PTPN3: variants seen among roughly 807,000 people sequenced by gnomAD.
The protein encoded by PTPN3 is tyrosine-protein phosphatase non-receptor type 3.
A neutral mutation model predicts 132.7 loss-of-function variants in PTPN3; 96 were observed. That is an observed-to-expected ratio of 0.72 (90% CI 0.61 to 0.86). The LOEUF is 0.86. Among genes scored for constraint, PTPN3 ranks in the 40% least tolerant of loss-of-function variants. The probability of loss-of-function intolerance (pLI) is 0.00; values close to 1 mark genes in which losing one functional copy is unlikely to be tolerated. For synonymous variants in PTPN3, 398 were observed against 429.0 expected, an observed-to-expected ratio of 0.93 and a Z score of 0.89; for missense variants, 1,125 against 1,159.6, an observed-to-expected ratio of 0.97 and a Z score of 0.43.
In PTPN3 at chr9:109,476,927, C is replaced by T. The variant is rs570074890; in HGVS notation, c.-17-13476G>A. ...GGCTTCCTGTGCTACAGGGCTTCAG[C>T]GATTTCCAAGTATTTTTACACCCCT... is the stretch of plus-strand genomic sequence containing the variant. On this transcript the variant is annotated intron_variant, in intron 1 of 25. Transcript: ENST00000374541. 1.2e-4 allele frequency among the ~76,000 whole-genome samples: 19 copies of T among 152,282 alleles called. No homozygotes were observed. The South Asian group carries it at 3.1e-3, about 25-fold the overall frequency.
At chr9:109,486,535 C>T (rs545465842) in intron 1 of PTPN3, among the ~76,000 whole-genome samples, 40 of 152,026 alleles carry the variant, frequency 2.6e-4, no homozygotes, top group African/African-American at 9.6e-4. Flanking sequence ...TGAAGAGTGA[C>T]CTTGGGTTTC....
At chr9:109,464,660 T>C (rs1301495832) in intron 1 of PTPN3, among the ~76,000 whole-genome samples, 3 of 152,196 alleles carry the variant, frequency 2.0e-5, no homozygotes, top group South Asian at 4.1e-4. Context: ...ATATTCATAA[T>C]AATCCTAAGC....
At chr9:109,533,466 T>A in the PTPN3 span, 1 of 1,565,016 alleles carries the variant, frequency 6.4e-7, no homozygotes, top group East Asian at 2.3e-5. Context: ...TTTCTGTGTG[T>A]CTGCGTCGGT....
intron 17 of PTPN3, among the ~76,000 whole-genome samples, chr9:109,407,773 C>A (rs1472098449): frequency 6.6e-6 from 1 of 152,186 alleles, no homozygotes. Context: ...GTCTCAAACT[C>A]CTGGCCTCAA....
chr9:109,491,329 G>A (rs923268591), intron 1 of PTPN3, among the ~76,000 whole-genome samples: 1 of 151,992 alleles, frequency 6.6e-6, no homozygotes, highest in African/African-American at 2.4e-5. Flanking sequence ...AATATATGTA[G>A]GGGGAAAGGA....
intron 14 of PTPN3, among the ~76,000 whole-genome samples, chr9:109,415,077 A>ACCATCCAT (rs201768060): frequency 0.025 from 3,140 of 125,154 alleles, 63 homozygotes; most frequent in East Asian, 0.098. Context: ...CGTCCATCCA[A>ACCATCCAT]CCATCCATCC....
chr9:109,445,707 G>C (rs144494690), intron 6 of PTPN3, among the ~76,000 whole-genome samples: 4 of 152,262 alleles, frequency 2.6e-5, no homozygotes, highest in African/African-American at 9.6e-5. Flanking sequence ...AAATTCCTGA[G>C]TTCTAATGAC....
chr9:109,485,928 A>G (rs1020395000), intron 1 of PTPN3, among the ~76,000 whole-genome samples: 1 of 152,236 alleles, frequency 6.6e-6, no homozygotes, highest in Admixed American at 6.5e-5. Flanking sequence ...TCAATAGCAA[A>G]TAACCACTGC....
At chr9:109,437,727 C>T (rs1844160900) in intron 8 of PTPN3, among the ~76,000 whole-genome samples, 1 of 151,316 alleles carries the variant, frequency 6.6e-6, no homozygotes, top group Admixed American at 6.6e-5. Context: ...GTACGTCCAT[C>T]TGTCTGTCTG....
In PTPN3 at chr9:109,410,380, AG is replaced by A; in HGVS notation, c.1348del (p.Leu450Ter). ...CACAGAACTGGATGACTTCTGGGTC[AG>A]GTAGCTTTGTGCCGGATTGTTCTCG... ...LSENNPAQSY[L>X]TQKSSSSVSP... On this transcript the variant is annotated frameshift_variant, in exon 15 of 26. Transcript: ENST00000374541. LOFTEE classifies it high-confidence loss of function. The A allele has an allele frequency of 6.2e-7, 1 of 1,614,192 alleles. No individual in the cohort carries two copies. The highest frequency in any genetic ancestry group is 8.5e-7 in the Non-Finnish European group (1 of 1,180,028).
In PTPN3 at chr9:109,376,383, G is replaced by C. The variant is rs1220178033; in HGVS notation, c.*3173C>G. 1 of 152,066 alleles carries C rather than the reference G, an allele frequency of 6.6e-6. No homozygotes were observed. The highest frequency in any genetic ancestry group is 1.5e-5 in the Non-Finnish European group (1 of 68,018). 9.4% of individuals were successfully genotyped at this position (152,066 alleles called of 1,614,324 possible). ...AGGTACCCCCCCCAGAAAAAGGTCA[G>C]GTAGCAACACAGCAGCAATAGTATC... On this transcript the variant is annotated 3_prime_UTR_variant, in exon 26 of 26. Coordinates refer to ENST00000374541, the MANE Select transcript of PTPN3 (RefSeq NM_002829.4).
Position 109,426,950 on chromosome 9 carries a change from T to G in PTPN3, c.1001A>C (p.Lys334Thr), listed in dbSNP as rs773373501. 6.2e-7 allele frequency: 1 copy of G among 1,609,192 alleles called. No homozygotes were observed. The change falls in exon 12 of 26, where the codon AAG becomes ACG. Residue 334 changes from lysine (K) to threonine (T), a missense_variant and splice_region_variant. Coordinates refer to ENST00000374541, the MANE Select transcript of PTPN3 (RefSeq NM_002829.4). ...YWTMGSRNTK[K>T]SVNNQYCKKV... is the part of the protein sequence containing the mutation. ...GACACAGTCTTTACAGCACACTCAC[T>G]TTTTGGTGTTCCGAGAGCCCATAGT...
chr9:109,507,747 C>T, the PTPN3 span, among the ~76,000 whole-genome samples: 2 of 152,230 alleles, frequency 1.3e-5, no homozygotes, highest in African/African-American at 4.8e-5. Context: ...GGTCATAGGA[C>T]TTCCTGCTGA....
chr9:109,533,735 C>T, the PTPN3 span: 6 of 1,450,532 alleles, frequency 4.1e-6, no homozygotes, highest in Non-Finnish European at 5.6e-6. Context: ...ATAGGGTCTC[C>T]GCATGTAGGA....
chr9:109,466,272 C>T (rs1209273583), intron 1 of PTPN3, among the ~76,000 whole-genome samples: 1 of 152,126 alleles, frequency 6.6e-6, no homozygotes, highest in Non-Finnish European at 1.5e-5. Flanking sequence ...TATAGCAGTA[C>T]TGCAGTACAA....
chr9:109,408,206 T>C (rs1341198651), intron 17 of PTPN3, 115 bp downstream of exon 17: 8 of 777,340 alleles, frequency 1.0e-5, no homozygotes. Context: ...GTGATGTATA[T>C]CTAAGCACAT....
At chr9:109,379,816 GA>G (rs1838878070) in intron 25 of PTPN3, among the ~76,000 whole-genome samples, 183 bp from the exon 26 acceptor site, 1 of 152,232 alleles carries the variant, frequency 6.6e-6, no homozygotes, top group African/African-American at 2.4e-5. Flanking sequence ...CACTCCCAGA[GA>G]GGGGTGGGCA....
At position 109,396,329 on chromosome 9, in the gene PTPN3, C is replaced by T. The variant is rs1330230538; in HGVS notation, c.1954-4768G>A. Among the ~76,000 whole-genome samples the T allele has an allele frequency of 2.0e-5, 3 of 152,144 alleles. No homozygotes were observed. In the East Asian group the frequency reaches 5.8e-4, roughly 29 times the overall value. On this transcript the variant is annotated intron_variant, in intron 19 of 25. Coordinates refer to ENST00000374541, the MANE Select transcript of PTPN3 (RefSeq NM_002829.4). ...AGGGATGGAACGGAATGAGTTAAGG[C>T]TTTGTGATATTGGCCAGAGTATGAG... is the stretch of plus-strand genomic sequence containing the variant.
intron 14 of PTPN3, among the ~76,000 whole-genome samples, chr9:109,419,417 G>A (rs118180936): frequency 0.011 from 1,747 of 152,238 alleles, 18 homozygotes; most frequent in South Asian, 0.028. Context: ...AGCTGTTAGG[G>A]GGGCCATTAT....
Sources: gnomAD v4.1 joint callset for allele counts (sites outside exome capture counted in the v4.1 genomes callset) on GRCh38, gnomAD v4.1.1 for gene constraint, MANE v1.5 for transcripts, NCBI Gene and HGNC (gene_info 2026-07-23, HGNC 2026-07-21) for gene names.